The following EPHA3 variants were observed in gnomAD, a reference collection of about 807,000 sequenced individuals.
EPHA3 encodes ephrin type-A receptor 3.
EPHA3 carries 42 observed loss-of-function variants against 107.1 expected under a neutral mutation model. That is an observed-to-expected ratio of 0.39 (90% CI 0.31 to 0.51). The LOEUF (loss-of-function observed/expected upper bound fraction) is 0.51, where lower values mean the gene tolerates loss of function less well. Ranked by LOEUF, EPHA3 falls within the 20% of genes least tolerant of loss-of-function variation. EPHA3 has a pLI of 0.78. For missense variants in EPHA3, 1,183 were observed against 1,211.2 expected, an observed-to-expected ratio of 0.98 and a Z score of 0.35; for synonymous variants, 461 against 424.8, an observed-to-expected ratio of 1.09 and a Z score of -1.05.
intron 3 of EPHA3, among the ~76,000 whole-genome samples, chr3:89,320,187 A>C (rs1707011356): frequency 6.6e-6 from 1 of 152,018 alleles, no homozygotes; most frequent in Non-Finnish European, 1.5e-5. Flanking sequence ...CAAAGAATTC[A>C]AAAAGAAAAT....
At chr3:89,169,666 G>T (rs1705164971) in intron 2 of EPHA3, among the ~76,000 whole-genome samples, 1 of 152,142 alleles carries the variant, frequency 6.6e-6, no homozygotes, top group Admixed American at 6.5e-5. Context: ...CTATGACCTT[G>T]AAAAAGCTGT....
At chr3:89,227,395 A>G (rs1704526632) in intron 3 of EPHA3, among the ~76,000 whole-genome samples, 1 of 152,044 alleles carries the variant, frequency 6.6e-6, no homozygotes. Context: ...TCTAAGCCCA[A>G]GGGATCACTT....
At chr3:89,313,790 A>G (rs1412685360) in intron 3 of EPHA3, among the ~76,000 whole-genome samples, 2 of 151,978 alleles carry the variant, frequency 1.3e-5, no homozygotes, top group Non-Finnish European at 2.9e-5. Context: ...AGCAAAAATT[A>G]TCACTTCCCC....
At chr3:89,118,187 T>A (rs990241126) in intron 1 of EPHA3, among the ~76,000 whole-genome samples, 9 of 152,036 alleles carry the variant, frequency 5.9e-5, no homozygotes, top group African/African-American at 2.2e-4. Context: ...TCTTGACACT[T>A]CTGATCTAAA....
At chr3:89,213,201 A>G (rs1704146903) in intron 3 of EPHA3, among the ~76,000 whole-genome samples, 1 of 152,134 alleles carries the variant, frequency 6.6e-6, no homozygotes, top group Admixed American at 6.6e-5. Context: ...TGAACTCAGA[A>G]GCATTCCTTT....
Position 89,482,024 on chromosome 3 carries a change from C to T in EPHA3, c.*2522C>T, listed in dbSNP as rs1710628735. On this transcript the variant is annotated 3_prime_UTR_variant, in exon 17 of 17. Transcript: ENST00000336596. ...AAACTTGTCTTTTCAAAATATTACT[C>T]AGTTTATGTTGTACAATGTAGATGG... is the stretch of plus-strand genomic sequence containing the variant. 4.5e-6 allele frequency: 1 copy of T among 222,532 alleles called. No homozygotes were observed. The highest frequency in any genetic ancestry group is 2.2e-5 in the African/African-American group (1 of 44,774). 13.8% of individuals were successfully genotyped at this position (222,532 alleles called of 1,614,324 possible). A position where few individuals can be genotyped will look rare whatever the true frequency, so the allele number is the denominator to read the frequency against.
chr3:89,160,617 C>T (rs1181028391), intron 2 of EPHA3, among the ~76,000 whole-genome samples: 2 of 143,618 alleles, frequency 1.4e-5, no homozygotes, highest in African/African-American at 2.6e-5. Flanking sequence ...GTGTGTATTT[C>T]TTTCACCAAA....
intron 3 of EPHA3, among the ~76,000 whole-genome samples, chr3:89,308,516 AC>A (rs1043276035): frequency 1.3e-5 from 2 of 152,068 alleles, no homozygotes; most frequent in Non-Finnish European, 2.9e-5. Context: ...TGCTGAAGTG[AC>A]GGTTATGCTA....
intron 3 of EPHA3, among the ~76,000 whole-genome samples, chr3:89,322,321 T>C (rs1380535358): frequency 6.6e-6 from 1 of 152,086 alleles, no homozygotes; most frequent in South Asian, 2.1e-4. Context: ...GCCCTAGGAT[T>C]TGGACTAATA....
chr3:89,293,418 T>C (rs1706265124), intron 3 of EPHA3, among the ~76,000 whole-genome samples: 1 of 152,176 alleles, frequency 6.6e-6, no homozygotes, highest in Non-Finnish European at 1.5e-5. Flanking sequence ...CCTTTGCCTA[T>C]TCAAAGAGTC....
intron 3 of EPHA3, among the ~76,000 whole-genome samples, chr3:89,260,015 G>T (rs1705378096): frequency 6.6e-6 from 1 of 152,204 alleles, no homozygotes; most frequent in Non-Finnish European, 1.5e-5. Flanking sequence ...CAAAGGCTAA[G>T]TAATGTTCCT....
intron 2 of EPHA3, among the ~76,000 whole-genome samples, chr3:89,151,763 T>G (rs958604168): frequency 6.6e-6 from 1 of 151,998 alleles, no homozygotes; most frequent in Non-Finnish European, 1.5e-5. Context: ...AATTCTCCAT[T>G]CTCTACATGA....
intron 2 of EPHA3, among the ~76,000 whole-genome samples, chr3:89,139,531 G>GT (rs1288799753): frequency 5.3e-5 from 8 of 151,818 alleles, no homozygotes; most frequent in Non-Finnish European, 1.0e-4. Flanking sequence ...AATATTATAT[G>GT]TAGAATCTTG....
chr3:89,398,841 C>T (rs1708898814), intron 6 of EPHA3, among the ~76,000 whole-genome samples: 1 of 151,800 alleles, frequency 6.6e-6, no homozygotes, highest in Non-Finnish European at 1.5e-5. Flanking sequence ...TAGAAATGCC[C>T]ATGTTGGGAC....
At position 89,362,898 on chromosome 3, in the gene EPHA3, A is replaced by G. The variant is rs1181459034; in HGVS notation, c.1306+20808A>G. ...ATATTTACTAACTCAAACTAAGATT[A>G]TAGTCTGGTGTATGTTTCAATCTCC... On this transcript the variant is annotated intron_variant, in intron 5 of 16. Transcript: ENST00000336596. 3.3e-5 allele frequency among the ~76,000 whole-genome samples: 5 copies of G among 151,064 alleles called. 1 individual carries two copies. In the East Asian group the frequency reaches 9.7e-4, roughly 29 times the overall value.
chr3:89,236,351 G>T (rs2107234759), intron 3 of EPHA3, among the ~76,000 whole-genome samples: 1 of 150,346 alleles, frequency 6.7e-6, no homozygotes, highest in South Asian at 2.1e-4. Context: ...TGAATAAAAG[G>T]TGGTATGTTA....
intron 2 of EPHA3, among the ~76,000 whole-genome samples, chr3:89,179,203 G>A (rs1705383829): frequency 6.6e-6 from 1 of 151,910 alleles, no homozygotes; most frequent in East Asian, 1.9e-4. Context: ...TATTTGAGAT[G>A]GAATTTATTT....
At chr3:89,327,178 T>A (rs1422006610) in intron 3 of EPHA3, among the ~76,000 whole-genome samples, 3 of 152,166 alleles carry the variant, frequency 2.0e-5, no homozygotes, top group African/African-American at 7.2e-5. Flanking sequence ...TTTCTACATG[T>A]GTTTTATGAA....
At chr3:89,267,025 C>T (rs2107290983) in intron 3 of EPHA3, among the ~76,000 whole-genome samples, 1 of 152,102 alleles carries the variant, frequency 6.6e-6, no homozygotes, top group East Asian at 1.9e-4. Flanking sequence ...TACCACTTCT[C>T]ATATTATGCT....
Sources: allele counts gnomAD v4.1 joint callset (sites outside exome capture counted in the v4.1 genomes callset), GRCh38; gene constraint gnomAD v4.1.1; transcripts MANE v1.5; gene names NCBI Gene and HGNC (gene_info 2026-07-23, HGNC 2026-07-21).